C14orf119: variants seen among roughly 807,000 people sequenced by gnomAD.
The protein encoded by C14orf119 is chromosome 14 open reading frame 119.
A neutral mutation model predicts 13.5 loss-of-function variants in C14orf119; 17 were observed. The ratio of observed to expected loss-of-function variants is 1.26; its 90% CI spans 0.86 to 1.88. C14orf119 has a LOEUF of 1.88. Among genes scored for constraint, C14orf119 ranks in the 40% most tolerant of loss-of-function variants. C14orf119 has a pLI of 0.00. For missense variants in C14orf119, 162 were observed against 165.9 expected (o/e 0.98, Z 0.13); for synonymous variants, 61 against 61.9 (o/e 0.99, Z 0.07).
At chr14:23,096,604 C>T (rs906083459) in intron 1 of C14orf119, among the ~76,000 whole-genome samples, 4 of 150,054 alleles carry the variant, frequency 2.7e-5, no homozygotes, top group African/African-American at 9.9e-5. Flanking sequence ...CACTCTGGGT[C>T]CCTCCACTCT....
intron 1 of C14orf119, among the ~76,000 whole-genome samples, chr14:23,096,670 G>C (rs560579877): frequency 6.6e-6 from 1 of 151,588 alleles, no homozygotes; most frequent in Non-Finnish European, 1.5e-5. Flanking sequence ...TCAACCTCCC[G>C]GGCTCAGGTG....
Position 23,099,058 on chromosome 14 carries a change from A to G in C14orf119, c.*977A>G, listed in dbSNP as rs541526802. 1 of 364,548 alleles carries G rather than the reference A, an allele frequency of 2.7e-6. No homozygotes were observed. Among genetic ancestry groups the G allele is most frequent in the Admixed American group, 4.7e-5 (1 of 21,196 alleles). 22.6% of individuals were successfully genotyped at this position (364,548 alleles called of 1,614,324 possible). A position where few individuals can be genotyped will look rare whatever the true frequency, so the allele number is the denominator to read the frequency against. On this transcript the variant is annotated 3_prime_UTR_variant, in exon 2 of 2. Transcript: ENST00000319074. Reference sequence around the variant, plus strand: ...CTTTACAACAATACGAAAATAAGTGACAATTTACAGGTTGAACAATTTATT... The same window carrying G: ...CTTTACAACAATACGAAAATAAGTGGCAATTTACAGGTTGAACAATTTATT...
At chr14:23,096,670 G>A (rs560579877) in intron 1 of C14orf119, among the ~76,000 whole-genome samples, 1 of 151,588 alleles carries the variant, frequency 6.6e-6, no homozygotes, top group Non-Finnish European at 1.5e-5. Context: ...TCAACCTCCC[G>A]GGCTCAGGTG....
Position 23,098,072 on chromosome 14 carries a change from T to G in C14orf119, c.414T>G (p.Gly138=), listed in dbSNP as rs758049345. Residue 138 remains glycine, a synonymous_variant, in exon 2 of 2, where the codon GGT becomes GGG. Coordinates refer to ENST00000319074, the MANE Select transcript of C14orf119 (RefSeq NM_017924.4). ...ACCAAGCAGTGGCTGCTACAGCTGG[T>G]AAGGACTGATAGGCATTCAGACCAA... is the stretch of plus-strand genomic sequence containing the variant. ...KFYQAVAATA[G]KD The G allele has an allele frequency of 5.6e-6, 9 of 1,613,140 alleles. No individual in the cohort carries two copies. The highest frequency in any genetic ancestry group is 7.6e-6 in the Non-Finnish European group (9 of 1,179,588).
rs775872696 is a variant in C14orf119 at position 23,097,869 on chromosome 14, C to A, written c.211C>A (p.Gln71Lys). The part of the protein sequence containing the change: ...LVAKAVPEKL[Q>K]PLLDSLEQLS... The stretch of plus-strand genomic sequence containing the variant: ...AGCTAAGGCAGTGCCAGAAAAATTA[C>A]AACCACTGCTGGATAGTCTGGAGCA... The change falls in exon 2 of 2, where the codon CAA (glutamine) becomes AAA (lysine). Residue 71 changes from glutamine to lysine, a missense_variant. Gln to Lys is a moderately conservative substitution (Grantham distance 53). Transcript: ENST00000319074. 2.5e-6 allele frequency: 4 copies of A among 1,614,104 alleles called. No individual in the cohort carries two copies. Among genetic ancestry groups the A allele is most frequent in the African/African-American group, 2.7e-5 (2 of 74,950 alleles).
rs2048420820 is a variant in C14orf119 at position 23,100,365 on chromosome 14, T to TGATC, written c.*2286_*2289dup. On this transcript the variant is annotated 3_prime_UTR_variant, in exon 2 of 2. Transcript: ENST00000319074. ...GGAGTCAGGTAGTGACGGGACTGGA[T>TGATC]GATCGTGTTAGGGATCTTTGTTCTC... is the stretch of plus-strand genomic sequence containing the variant. 2.4e-6 allele frequency: 1 copy of TGATC among 411,666 alleles called. No individual in the cohort carries two copies. Among genetic ancestry groups the TGATC allele is most frequent in the Admixed American group, 4.4e-5 (1 of 22,694 alleles). The allele number at this position is 411,666 out of a possible 1,614,324, so 25.5% of individuals were successfully genotyped here. A position where few individuals can be genotyped will look rare whatever the true frequency, so the allele number is the denominator to read the frequency against.
rs571984192 is a variant in C14orf119, at chr14:23,100,276, G to A, written c.*2195G>A. The stretch of plus-strand genomic sequence containing the variant: ...TCTCAAAAAAGAAGAAGAAAAAGGT[G>A]GGGGGAGGGGACTAAGATCCCTATG... On this transcript the variant is annotated 3_prime_UTR_variant, in exon 2 of 2. Coordinates refer to ENST00000319074, the MANE Select transcript of C14orf119 (RefSeq NM_017924.4). 26 of 377,154 alleles carry A rather than the reference G, an allele frequency of 6.9e-5. No homozygotes were observed. In the South Asian group the frequency reaches 1.5e-3, roughly 22 times the overall value. The allele number at this position is 377,154 out of a possible 1,614,324, so 23.4% of individuals were successfully genotyped here. A position where few individuals can be genotyped will look rare whatever the true frequency, so the allele number is the denominator to read the frequency against.
At chr14:23,097,211 A>G (rs2140276960) in intron 1 of C14orf119, among the ~76,000 whole-genome samples, 1 of 152,318 alleles carries the variant, frequency 6.6e-6, no homozygotes, top group South Asian at 2.1e-4. Flanking sequence ...ATAGCTGCAA[A>G]ACAATTAGCA....
Position 23,097,986 on chromosome 14 carries a change from G to A in C14orf119, c.328G>A (p.Glu110Lys), listed in dbSNP as rs1262959671. 5 of 1,614,062 alleles carry A rather than the reference G, an allele frequency of 3.1e-6. No homozygotes were observed. Among genetic ancestry groups the A allele is most frequent in the South Asian group, 1.1e-5 (1 of 91,090 alleles). ...DQWFRGWAEQ[E>K]RNEFVRQLEF... ...GTGGTTTCGAGGCTGGGCTGAGCAG[G>A]AGCGCAATGAATTTGTCAGACAGCT... is the stretch of plus-strand genomic sequence containing the variant. The change falls in exon 2 of 2, where the codon GAG becomes AAG. Residue 110 changes from glutamate to lysine, a missense_variant. Transcript: ENST00000319074.
In C14orf119 at chr14:23,100,247, C is replaced by T. The variant is rs981592142; in HGVS notation, c.*2166C>T. 10 of 321,920 alleles carry T rather than the reference C, an allele frequency of 3.1e-5. No individual in the cohort carries two copies. Among genetic ancestry groups the T allele is most frequent in the Admixed American group, 1.0e-4 (2 of 19,742 alleles). 19.9% of individuals were successfully genotyped at this position (321,920 alleles called of 1,614,324 possible). A position where few individuals can be genotyped will look rare whatever the true frequency, so the allele number is the denominator to read the frequency against. Reference sequence around the variant, plus strand: ...TCCAGCCTGGGTGACAGAGCGAGACCCTGTCTCAAAAAAGAAGAAGAAAAA... The same window carrying T: ...TCCAGCCTGGGTGACAGAGCGAGACTCTGTCTCAAAAAAGAAGAAGAAAAA... On this transcript the variant is annotated 3_prime_UTR_variant, in exon 2 of 2. Coordinates refer to ENST00000319074, the MANE Select transcript of C14orf119 (RefSeq NM_017924.4).
intron 1 of C14orf119, among the ~76,000 whole-genome samples, chr14:23,096,149 C>G (rs771184996): frequency 2.6e-5 from 4 of 152,206 alleles, no homozygotes; most frequent in Non-Finnish European, 4.4e-5. Flanking sequence ...TTAAGAGATA[C>G]GTTAGAGATT....
rs779771790 is a variant in C14orf119 at position 23,099,636 on chromosome 14, C to T, written c.*1555C>T. 2.1e-5 allele frequency: 8 copies of T among 381,732 alleles called. No homozygotes were observed. Among genetic ancestry groups the T allele is most frequent in the Admixed American group, 4.6e-5 (1 of 21,540 alleles). 23.6% of individuals were successfully genotyped at this position (381,732 alleles called of 1,614,324 possible). A position where few individuals can be genotyped will look rare whatever the true frequency, so the allele number is the denominator to read the frequency against. ...GTGCAGTGGTGTGATCTTGGCTCACCGTAATCTCCGCCTCCCAGGCTCAAG... is the reference window on the plus strand; with the variant it reads ...GTGCAGTGGTGTGATCTTGGCTCACTGTAATCTCCGCCTCCCAGGCTCAAG... On this transcript the variant is annotated 3_prime_UTR_variant, in exon 2 of 2. Coordinates refer to ENST00000319074, the MANE Select transcript of C14orf119 (RefSeq NM_017924.4).
chr14:23,097,774 T>C lies in C14orf119; in HGVS notation c.116T>C (p.Met39Thr). Reference protein sequence around the residue: ...PLMSYITSQEMKCILHWFANW... With the variant: ...PLMSYITSQETKCILHWFANW... ...ATGTCTTACATCACCTCCCAGGAGA[T>C]GAAGTGTATTCTTCACTGGTTTGCC... Residue 39 changes from methionine (M) to threonine (T), a missense_variant, in exon 2 of 2, where the codon ATG (methionine) becomes ACG (threonine). Met to Thr is a moderately conservative substitution (Grantham distance 81). Coordinates refer to ENST00000319074, the MANE Select transcript of C14orf119 (RefSeq NM_017924.4). 6.2e-7 allele frequency: 1 copy of C among 1,614,218 alleles called. No homozygotes were observed. Among genetic ancestry groups the C allele is most frequent in the Non-Finnish European group, 8.5e-7 (1 of 1,180,018 alleles).
In C14orf119 at chr14:23,098,416, T is replaced by C. The variant is rs913644723; in HGVS notation, c.*335T>C. 3.7e-6 allele frequency: 1 copy of C among 268,608 alleles called. No individual in the cohort carries two copies. Among genetic ancestry groups the C allele is most frequent in the African/African-American group, 2.2e-5 (1 of 46,328 alleles). 16.6% of individuals were successfully genotyped at this position (268,608 alleles called of 1,614,324 possible). ...GTAACTCAAGTCCACTGCTGGCTCA[T>C]GAAATGTGTAAAGTAGAACCCTCCT... On this transcript the variant is annotated 3_prime_UTR_variant, in exon 2 of 2. Coordinates refer to ENST00000319074, the MANE Select transcript of C14orf119 (RefSeq NM_017924.4).
chr14:23,096,157 AT>A (rs778167069), intron 1 of C14orf119, among the ~76,000 whole-genome samples: 10 of 152,256 alleles, frequency 6.6e-5, no homozygotes, highest in Non-Finnish European at 1.2e-4. Flanking sequence ...TACGTTAGAG[AT>A]TTAAGAGACT....
chr14:23,095,559 C>T lies in C14orf119; in HGVS notation c.-62C>T, dbSNP rs1283230502. ...TTTTCAGGAAATTTGGAAGCTGCCG[C>T]AGTAGTTGGAGTCTAAGGACTCGTG... On this transcript the variant is annotated 5_prime_UTR_variant, in exon 1 of 2. Transcript: ENST00000319074. 6.4e-6 allele frequency: 3 copies of T among 465,990 alleles called. No individual in the cohort carries two copies. Among genetic ancestry groups the T allele is most frequent in the African/African-American group, 3.9e-5 (2 of 51,112 alleles). The allele number at this position is 465,990 out of a possible 1,614,324, so 28.9% of individuals were successfully genotyped here.
chr14:23,100,380 T>C lies in C14orf119; in HGVS notation c.*2299T>C, dbSNP rs1264326725. 2.4e-6 allele frequency: 1 copy of C among 412,050 alleles called. No individual in the cohort carries two copies. The highest frequency in any genetic ancestry group is 4.4e-6 in the Non-Finnish European group (1 of 225,908). The allele number at this position is 412,050 out of a possible 1,614,324, so 25.5% of individuals were successfully genotyped here. On this transcript the variant is annotated 3_prime_UTR_variant, in exon 2 of 2. Coordinates refer to ENST00000319074, the MANE Select transcript of C14orf119 (RefSeq NM_017924.4). ...CGGGACTGGATGATCGTGTTAGGGA[T>C]CTTTGTTCTCTGAAACGCAACCCTG...
In C14orf119 at chr14:23,098,977, C is replaced by T. The variant is rs1387667116; in HGVS notation, c.*896C>T. ...CATCATACCTGGCCTTTTTCTAAGG[C>T]ATATGTATGTGATATTCTTGGAACT... On this transcript the variant is annotated 3_prime_UTR_variant, in exon 2 of 2. Coordinates refer to ENST00000319074, the MANE Select transcript of C14orf119 (RefSeq NM_017924.4). 1 of 210,374 alleles carries T rather than the reference C, an allele frequency of 4.8e-6. No individual in the cohort carries two copies. Among genetic ancestry groups the T allele is most frequent in the African/African-American group, 2.3e-5 (1 of 43,296 alleles). The allele number at this position is 210,374 out of a possible 1,614,324, so 13.0% of individuals were successfully genotyped here.
At chr14:23,096,828 C>G (rs188376718) in intron 1 of C14orf119, among the ~76,000 whole-genome samples, 5 of 152,108 alleles carry the variant, frequency 3.3e-5, no homozygotes, top group African/African-American at 4.8e-5. Context: ...CCTCTTGCCT[C>G]GGCCTCTCAA....
Sources: gnomAD v4.1 joint callset for allele counts (sites outside exome capture counted in the v4.1 genomes callset) on GRCh38, gnomAD v4.1.1 for gene constraint, MANE v1.5 for transcripts, NCBI Gene and HGNC (gene_info 2026-07-23, HGNC 2026-07-21) for gene names.